CASP4: variants seen among roughly 807,000 people sequenced by gnomAD.
CASP4 encodes caspase-4.
A neutral mutation model predicts 41.3 loss-of-function variants in CASP4; 29 were observed. The observed-to-expected ratio is 0.70, with a 90% confidence interval of 0.52 to 0.96. The LOEUF is 0.96. Among genes scored for constraint, CASP4 ranks in the 40% least tolerant of loss-of-function variants. The probability of loss-of-function intolerance (pLI) is 0.00; values close to 1 mark genes in which losing one functional copy is unlikely to be tolerated. For synonymous variants in CASP4, 185 were observed against 158.4 expected (o/e 1.17, Z -1.26); for missense variants, 447 against 460.6 (o/e 0.97, Z 0.27).
At chr11:104,949,373 A>C in intron 5 of CASP4, 170 bp downstream of exon 5, 1 of 688,516 alleles carries the variant, frequency 1.5e-6, no homozygotes, top group Non-Finnish European at 2.5e-6. Flanking sequence ...ACTAATTTTG[A>C]TGAGACAATT....
At chr11:104,967,488 G>T (rs552932) in intron 1 of CASP4, among the ~76,000 whole-genome samples, 2 of 151,986 alleles carry the variant, frequency 1.3e-5, no homozygotes, top group African/African-American at 4.8e-5. Flanking sequence ...TAGTAAAAAA[G>T]AGAAAAGGCA....
At chr11:104,952,642 T>C (rs1013380166) in intron 2 of CASP4, among the ~76,000 whole-genome samples, 1 of 152,158 alleles carries the variant, frequency 6.6e-6, no homozygotes, top group Non-Finnish European at 1.5e-5. Flanking sequence ...GATAAATACA[T>C]ACATACACCA....
intron 5 of CASP4, 96 bp from the exon 6 acceptor site, chr11:104,948,772 A>G: frequency 9.3e-7 from 1 of 1,078,674 alleles, no homozygotes; most frequent in East Asian, 2.4e-5. Context: ...CATTCTTACT[A>G]GTTTCATACA....
chr11:104,965,688 T>G (rs1326265815), intron 1 of CASP4, among the ~76,000 whole-genome samples: 5 of 152,192 alleles, frequency 3.3e-5, no homozygotes, highest in Admixed American at 3.3e-4. Flanking sequence ...AAAGACCCTC[T>G]TCTTGCCTGG....
At chr11:104,951,854 T>C (rs775986333) in intron 3 of CASP4, 42 bp downstream of exon 3, 5 of 1,292,810 alleles carry the variant, frequency 3.9e-6, no homozygotes, top group Non-Finnish European at 5.6e-6. Flanking sequence ...AAAGCAATGA[T>C]ATCTCTTCTT....
At chr11:104,957,273 T>TA (rs1860757208) in intron 1 of CASP4, among the ~76,000 whole-genome samples, 1 of 152,236 alleles carries the variant, frequency 6.6e-6, no homozygotes, top group Admixed American at 6.5e-5. Context: ...AAACCATCTT[T>TA]AAAAAATAAA....
intron 1 of CASP4, among the ~76,000 whole-genome samples, chr11:104,968,068 A>G (rs1747507094): frequency 6.6e-6 from 1 of 152,312 alleles, no homozygotes; most frequent in South Asian, 2.1e-4. Context: ...AAAAAATTGA[A>G]TCACTTTAAA....
At chr11:104,945,595 T>G (rs183751092) in intron 7 of CASP4, among the ~76,000 whole-genome samples, 141 of 152,246 alleles carry the variant, frequency 9.3e-4, no homozygotes, top group African/African-American at 3.2e-3. Context: ...TGAACAACTT[T>G]CATATCTCCA....
chr11:104,949,393 ACCAGACCC>A, intron 5 of CASP4, 142 bp downstream of exon 5: 3 of 799,556 alleles, frequency 3.8e-6, no homozygotes, highest in Non-Finnish European at 6.0e-6. Flanking sequence ...TTCTTGTTAT[ACCAGACCC>A]TTAGGTAGAG....
At chr11:104,948,912 T>C (rs1240083663) in intron 5 of CASP4, 1 of 333,876 alleles carries the variant, frequency 3.0e-6, no homozygotes, top group Non-Finnish European at 5.4e-6. Context: ...TACCATTTTC[T>C]AGAAAAAAAA....
At chr11:104,967,100 G>A (rs1860991386) in intron 1 of CASP4, among the ~76,000 whole-genome samples, 1 of 152,146 alleles carries the variant, frequency 6.6e-6, no homozygotes, top group Non-Finnish European at 1.5e-5. Context: ...TTGGTTCCAG[G>A]CAAAGTGATG....
At chr11:104,948,369 C>G (rs1401899821) in intron 6 of CASP4, 164 bp downstream of exon 6, 3 of 566,084 alleles carry the variant, frequency 5.3e-6, no homozygotes, top group Non-Finnish European at 8.2e-6. Context: ...TATCGGGTTG[C>G]TTTAGGAATC....
chr11:104,953,449 C>T (rs1049893990), intron 2 of CASP4, among the ~76,000 whole-genome samples: 5 of 152,164 alleles, frequency 3.3e-5, no homozygotes, highest in African/African-American at 1.2e-4. Context: ...ATTAGTTGCA[C>T]TATCACTGAC....
At chr11:104,949,331 T>C (rs1382265163) in intron 5 of CASP4, 3 of 576,406 alleles carry the variant, frequency 5.2e-6, no homozygotes, top group Non-Finnish European at 9.1e-6. Context: ...CTTCACCACT[T>C]ACTGTGGATA....
intron 1 of CASP4, among the ~76,000 whole-genome samples, chr11:104,963,482 T>G (rs150504272): frequency 1.3e-3 from 198 of 152,336 alleles, no homozygotes; most frequent in Non-Finnish European, 2.1e-3. Context: ...TTGCATTGTG[T>G]TATCTGACAG....
At chr11:104,951,709 G>T in intron 3 of CASP4, 187 bp downstream of exon 3, 1 of 637,520 alleles carries the variant, frequency 1.6e-6, no homozygotes, top group South Asian at 1.7e-5. Flanking sequence ...AAAATGATCT[G>T]CATCATGGAT....
intron 5 of CASP4, chr11:104,948,957 A>G (rs1591126606): frequency 4.3e-6 from 1 of 232,976 alleles, no homozygotes; most frequent in East Asian, 8.3e-5. Context: ...CCCAAGAGCT[A>G]TCAGACAATT....
chr11:104,952,041 G>T (rs771522480), intron 2 of CASP4, 36 bp from the exon 3 acceptor site: 10 of 1,358,000 alleles, frequency 7.4e-6, no homozygotes, highest in Non-Finnish European at 1.1e-5. Flanking sequence ...TGTGATTTCT[G>T]CCTCTGTGAC....
chr11:104,962,012 A>G (rs944741652), intron 1 of CASP4, among the ~76,000 whole-genome samples: 8 of 152,192 alleles, frequency 5.3e-5, no homozygotes, highest in African/African-American at 1.9e-4. Flanking sequence ...GAGCTTTGCC[A>G]GGTTGATATT....
Sources: gnomAD v4.1 joint callset for allele counts (sites outside exome capture counted in the v4.1 genomes callset) on GRCh38, gnomAD v4.1.1 for gene constraint, MANE v1.5 for transcripts, NCBI Gene and HGNC (gene_info 2026-07-23, HGNC 2026-07-21) for gene names.